DNAAF11: variants seen among roughly 807,000 people sequenced by gnomAD.
DNAAF11 encodes the protein leucine rich repeat containing 6.
Under a neutral mutation model 60.8 loss-of-function variants are expected in DNAAF11, and 45 were observed. The ratio of observed to expected loss-of-function variants is 0.74; its 90% CI spans 0.58 to 0.95. The LOEUF is 0.95. Among genes scored for constraint, DNAAF11 ranks in the 40% least tolerant of loss-of-function variants. The pLI is 0.00. For synonymous variants in DNAAF11, 191 were observed against 183.5 expected (o/e 1.04, Z -0.33); for missense variants, 546 against 546.2 (o/e 1.00, Z 0.00).
intron 10 of DNAAF11, among the ~76,000 whole-genome samples, chr8:132,605,744 G>C (rs1248036930): frequency 6.6e-6 from 1 of 152,174 alleles, no homozygotes; most frequent in African/African-American, 2.4e-5. Flanking sequence ...GTATCAGGAA[G>C]GGCCTCAGTG....
intron 10 of DNAAF11, among the ~76,000 whole-genome samples, chr8:132,600,185 G>T (rs531640883): frequency 2.0e-5 from 3 of 152,052 alleles, no homozygotes; most frequent in African/African-American, 7.2e-5. Context: ...GCTTCAAAGA[G>T]AATAAAATAC....
At chr8:132,582,795 A>T (rs1815475395) in intron 11 of DNAAF11, among the ~76,000 whole-genome samples, 1 of 152,226 alleles carries the variant, frequency 6.6e-6, no homozygotes, top group Non-Finnish European at 1.5e-5. Context: ...TAGCATATAC[A>T]TTTGTATCAC....
upstream of DNAAF11, chr8:132,675,608 C>T (rs1825725415): frequency 4.3e-6 from 5 of 1,162,258 alleles, no homozygotes; most frequent in East Asian, 2.8e-5. Context: ...GCCATGGCAA[C>T]GGGGACTCTA....
At chr8:132,637,788 C>G in intron 4 of DNAAF11, 147 bp downstream of exon 4, 1 of 597,282 alleles carries the variant, frequency 1.7e-6, no homozygotes, top group East Asian at 2.8e-5. Context: ...TATTAAAGGT[C>G]TAGCCATTCA....
intron 4 of DNAAF11, among the ~76,000 whole-genome samples, chr8:132,634,820 A>G: frequency 6.7e-6 from 1 of 149,474 alleles, no homozygotes; most frequent in East Asian, 1.9e-4. Flanking sequence ...TACATTATAT[A>G]TAACTGTATA....
upstream of DNAAF11, among the ~76,000 whole-genome samples, chr8:132,676,885 C>T (rs1411596529): frequency 1.3e-5 from 2 of 152,122 alleles, no homozygotes; most frequent in African/African-American, 4.8e-5. Flanking sequence ...TCCAAGGAGG[C>T]CTCCCAAAAG....
chr8:132,595,593 A>G (rs1266111236), intron 10 of DNAAF11, among the ~76,000 whole-genome samples: 2 of 152,202 alleles, frequency 1.3e-5, no homozygotes, highest in Admixed American at 6.6e-5. Flanking sequence ...AAAAAAATAA[A>G]TAACAACCAC....
chr8:132,675,147 T>C (rs561474082), intron 1 of DNAAF11: 1 of 332,734 alleles, frequency 3.0e-6, no homozygotes, highest in South Asian at 1.4e-4. Flanking sequence ...AAGGAGCCAC[T>C]TGGCCGGAAC....
At chr8:132,609,458 A>C (rs1818437400) in intron 10 of DNAAF11, among the ~76,000 whole-genome samples, 1 of 152,030 alleles carries the variant, frequency 6.6e-6, no homozygotes, top group African/African-American at 2.4e-5. Context: ...TGGAAGGCTG[A>C]TAGTACTACC....
intron 11 of DNAAF11, among the ~76,000 whole-genome samples, chr8:132,578,998 C>T (rs1389811551): frequency 6.6e-6 from 1 of 152,218 alleles, no homozygotes; most frequent in Non-Finnish European, 1.5e-5. Context: ...CTGCTCACCT[C>T]CACAAGGCAC....
intron 5 of DNAAF11, among the ~76,000 whole-genome samples, chr8:132,630,829 G>C (rs1820725135): frequency 6.6e-6 from 1 of 151,832 alleles, no homozygotes; most frequent in Non-Finnish European, 1.5e-5. Flanking sequence ...AAAAATAGAG[G>C]ATACTATATA....
chr8:132,633,489 C>T (rs1200927190), intron 4 of DNAAF11, among the ~76,000 whole-genome samples: 1 of 152,164 alleles, frequency 6.6e-6, no homozygotes, highest in Non-Finnish European at 1.5e-5. Context: ...ATAAAAGCAT[C>T]AACTAAAGTT....
At chr8:132,607,940 G>A (rs1238555905) in intron 10 of DNAAF11, among the ~76,000 whole-genome samples, 5 of 152,154 alleles carry the variant, frequency 3.3e-5, no homozygotes, top group Non-Finnish European at 7.3e-5. Context: ...ATGCAGGTCA[G>A]ACTCACACAA....
chr8:132,653,125 A>G (rs1218658490), intron 3 of DNAAF11, among the ~76,000 whole-genome samples: 1 of 152,228 alleles, frequency 6.6e-6, no homozygotes, highest in Non-Finnish European at 1.5e-5. Flanking sequence ...TCAGTATAAT[A>G]CTACTAAAAT....
rs1563992420 is a variant in DNAAF11 at position 132,595,347 on chromosome 8, G to GAAAAAA, written c.1141-11569_1141-11568insTTTTTT. ...TTCCCGAAAGAGAGAGAGACAGAGG[G>GAAAAAA]GAAAAAAAAAAAAAAAAAAAAAAAA... On this transcript the variant is annotated intron_variant, in intron 10 of 11. Coordinates refer to ENST00000620350, the MANE Select transcript of DNAAF11 (RefSeq NM_012472.6). 6.4e-4 allele frequency among the ~76,000 whole-genome samples: 26 copies of GAAAAAA among 40,676 alleles called. 12 individuals are homozygous for GAAAAAA. Among genetic ancestry groups the GAAAAAA allele is most frequent in the Admixed American group, 1.8e-3 (4 of 2,274 alleles). 26.7% of individuals were successfully genotyped at this position (40,676 alleles called of 152,430 possible). A position where few individuals can be genotyped will look rare whatever the true frequency, so the allele number is the denominator to read the frequency against.
At chr8:132,596,948 G>A (rs757224090) in intron 10 of DNAAF11, among the ~76,000 whole-genome samples, 2 of 152,102 alleles carry the variant, frequency 1.3e-5, no homozygotes, top group Non-Finnish European at 2.9e-5. Context: ...GTTGTCTGAT[G>A]TTGTCTTATG....
At chr8:132,633,548 C>T (rs1332131181) in intron 4 of DNAAF11, among the ~76,000 whole-genome samples, 1 of 152,104 alleles carries the variant, frequency 6.6e-6, no homozygotes, top group South Asian at 2.1e-4. Context: ...ATCTACCCTG[C>T]CTTATTCTGC....
At chr8:132,674,873 G>A (rs1825632610) in intron 1 of DNAAF11, among the ~76,000 whole-genome samples, 3 of 152,170 alleles carry the variant, frequency 2.0e-5, no homozygotes, top group African/African-American at 7.2e-5. Flanking sequence ...GGGCGACAGA[G>A]CAAAACTCTT....
chr8:132,666,286 G>C (rs371746332), intron 1 of DNAAF11, among the ~76,000 whole-genome samples: 1 of 152,104 alleles, frequency 6.6e-6, no homozygotes, highest in Non-Finnish European at 1.5e-5. Context: ...CTAGAAGGAC[G>C]ATATTGAAAG....
Sources: allele counts gnomAD v4.1 joint callset (sites outside exome capture counted in the v4.1 genomes callset), GRCh38; gene constraint gnomAD v4.1.1; transcripts MANE v1.5; gene names NCBI Gene and HGNC (gene_info 2026-07-23, HGNC 2026-07-21).